Variants in ERCC6L2 observed in about 807,000 individuals in gnomAD.
ERCC6L2 encodes the protein DNA excision repair protein ERCC-6-like 2.
A neutral mutation model predicts 132.0 loss-of-function variants in ERCC6L2; 77 were observed. That is an observed-to-expected ratio of 0.58 (90% confidence interval 0.49 to 0.71). ERCC6L2 has a LOEUF of 0.71. Ranked by LOEUF, ERCC6L2 falls within the 30% of genes least tolerant of loss-of-function variation. ERCC6L2 has a pLI of 0.00. For synonymous variants in ERCC6L2, 583 were observed against 632.4 expected (o/e 0.92, Z 1.17); for missense variants, 1,542 against 1,837.6 (o/e 0.84, Z 2.94).
chr9:95,992,535 G>A (rs1833338457), intron 17 of ERCC6L2, among the ~76,000 whole-genome samples: 1 of 152,096 alleles, frequency 6.6e-6, no homozygotes, highest in Admixed American at 6.5e-5. Flanking sequence ...TGTGATTATA[G>A]GGAATTAACT....
chr9:95,993,844 A>G (rs1024056494), intron 17 of ERCC6L2, among the ~76,000 whole-genome samples: 9 of 152,230 alleles, frequency 5.9e-5, no homozygotes, highest in African/African-American at 2.2e-4. Context: ...CTCTCCCCAG[A>G]AAAGGTTTTG....
At chr9:95,958,463 G>T (rs1303334634) in intron 13 of ERCC6L2, among the ~76,000 whole-genome samples, 1 of 152,138 alleles carries the variant, frequency 6.6e-6, no homozygotes, top group Non-Finnish European at 1.5e-5. Context: ...CTAGTTTACA[G>T]TCCCACCAAC....
chr9:95,981,122 T>C (rs72758458), intron 17 of ERCC6L2, among the ~76,000 whole-genome samples: 10 of 152,330 alleles, frequency 6.6e-5, no homozygotes, highest in Non-Finnish European at 1.0e-4. Flanking sequence ...TATTTCAATT[T>C]CTAAAGAATA....
At chr9:95,944,647 C>G (rs603947) in intron 12 of ERCC6L2, among the ~76,000 whole-genome samples, 1 of 150,908 alleles carries the variant, frequency 6.6e-6, no homozygotes, top group Non-Finnish European at 1.5e-5. Flanking sequence ...AGATATCGGG[C>G]GAAATTCACC....
chr9:95,926,389 T>C (rs1319075500), intron 9 of ERCC6L2, among the ~76,000 whole-genome samples: 2 of 152,104 alleles, frequency 1.3e-5, no homozygotes, highest in East Asian at 3.9e-4. Context: ...TGTCCTTCAG[T>C]AGGTAAATGG....
At chr9:95,998,909 T>G (rs185541319) in intron 17 of ERCC6L2, among the ~76,000 whole-genome samples, 1 of 152,350 alleles carries the variant, frequency 6.6e-6, no homozygotes, top group Admixed American at 6.5e-5. Context: ...AGAATAAGCC[T>G]AAATGGCACA....
rs139655534 is a variant in ERCC6L2 at position 95,989,644 on chromosome 9, G to A, written c.3492+11429G>A. Among the ~76,000 whole-genome samples the A allele has an allele frequency of 2.8e-3, 421 of 152,282 alleles. 2 individuals carry two copies. The highest frequency in any genetic ancestry group is 9.8e-3 in the African/African-American group (406 of 41,568). On this transcript the variant is annotated intron_variant, in intron 17 of 18. Coordinates refer to ENST00000653738, the MANE Select transcript of ERCC6L2 (RefSeq NM_020207.7). The stretch of plus-strand genomic sequence containing the variant: ...TAAACAATCAAAGTAATTTCAAATA[G>A]TACAGGGGGCCCTACCTGTTCAAAG...
At chr9:95,896,670 C>T (rs559460650) in intron 2 of ERCC6L2, among the ~76,000 whole-genome samples, 41 of 152,216 alleles carry the variant, frequency 2.7e-4, no homozygotes, top group African/African-American at 4.6e-4. Context: ...ATGATCCTCC[C>T]GTCTTAGCCT....
At chr9:95,903,617 A>G (rs2132639426) in intron 3 of ERCC6L2, among the ~76,000 whole-genome samples, 1 of 143,198 alleles carries the variant, frequency 7.0e-6, no homozygotes, top group Non-Finnish European at 1.6e-5. Context: ...AAACTTTAAT[A>G]CTTCATATAG....
chr9:95,930,998 CAAAAAAG>C (rs1830313363), intron 11 of ERCC6L2, among the ~76,000 whole-genome samples: 1 of 152,014 alleles, frequency 6.6e-6, no homozygotes, highest in Non-Finnish European at 1.5e-5. Flanking sequence ...AATTTGAAGG[CAAAAAAG>C]CGTTTACATT....
At chr9:95,941,612 C>T in intron 12 of ERCC6L2, 63 bp downstream of exon 12, 2 of 1,232,248 alleles carry the variant, frequency 1.6e-6, no homozygotes, top group East Asian at 2.3e-5. Context: ...TACTCTTGAA[C>T]TTTTAAGGTT....
chr9:95,875,996 C>T lies in ERCC6L2; in HGVS notation c.-43C>T, dbSNP rs775186765. On this transcript the variant is annotated 5_prime_UTR_variant, in exon 1 of 19. Coordinates refer to ENST00000653738, the MANE Select transcript of ERCC6L2 (RefSeq NM_020207.7). ...CACCTTGCTGTCCTCCGCCGCCTTC[C>T]GGGTGTTACATGCAGCCGGGCTCGG... 2 of 1,565,064 alleles carry T rather than the reference C, an allele frequency of 1.3e-6. No individual in the cohort carries two copies. The highest frequency in any genetic ancestry group is 1.2e-5 in the South Asian group (1 of 85,256).
chr9:95,941,265 T>G (rs1830784842), intron 11 of ERCC6L2, among the ~76,000 whole-genome samples, 189 bp from the exon 12 acceptor site: 2 of 152,108 alleles, frequency 1.3e-5, no homozygotes, highest in South Asian at 4.1e-4. Flanking sequence ...TTTTCTAGAG[T>G]GGTAGAAATA....
At chr9:95,943,846 C>CAAA in intron 12 of ERCC6L2, among the ~76,000 whole-genome samples, 1 of 152,086 alleles carries the variant, frequency 6.6e-6, no homozygotes, top group African/African-American at 2.4e-5. Context: ...AAAATAAAAG[C>CAAA]AACAACAGAA....
At chr9:95,939,497 T>C (rs1240346194) in intron 11 of ERCC6L2, among the ~76,000 whole-genome samples, 1 of 152,212 alleles carries the variant, frequency 6.6e-6, no homozygotes, top group African/African-American at 2.4e-5. Context: ...CCATGGTTTC[T>C]GATGTTTCTC....
intron 19 of ERCC6L2, among the ~76,000 whole-genome samples, chr9:96,030,951 G>A (rs1257116980): frequency 6.6e-6 from 1 of 152,158 alleles, no homozygotes; most frequent in Non-Finnish European, 1.5e-5. Flanking sequence ...CTCCGGACAG[G>A]CCCTGGTGCT....
intron 12 of ERCC6L2, among the ~76,000 whole-genome samples, chr9:95,946,333 C>T (rs994364360): frequency 6.6e-6 from 1 of 152,118 alleles, no homozygotes; most frequent in African/African-American, 2.4e-5. Flanking sequence ...TCGAGACCAT[C>T]CTGGCTAACA....
chr9:96,031,689 G>A (rs938814060), intron 19 of ERCC6L2, among the ~76,000 whole-genome samples: 1 of 152,258 alleles, frequency 6.6e-6, no homozygotes, highest in African/African-American at 2.4e-5. Context: ...TTTACATACT[G>A]TTTGCAAATA....
intron 13 of ERCC6L2, among the ~76,000 whole-genome samples, chr9:95,962,320 G>A (rs1654972748): frequency 6.6e-6 from 1 of 152,252 alleles, no homozygotes; most frequent in South Asian, 2.1e-4. Context: ...ATATACTACT[G>A]TTGAGAGTAC....
Sources: gnomAD v4.1 joint callset for allele counts (sites outside exome capture counted in the v4.1 genomes callset) on GRCh38, gnomAD v4.1.1 for gene constraint, MANE v1.5 for transcripts, NCBI Gene and HGNC (gene_info 2026-07-23, HGNC 2026-07-21) for gene names.